The following CNIH3 variants were observed in gnomAD, a reference collection of about 807,000 sequenced individuals.
CNIH3 encodes the protein protein cornichon homolog 3.
Under a neutral mutation model 24.1 loss-of-function variants are expected in CNIH3, and 14 were observed. The observed-to-expected ratio is 0.58, with a 90% confidence interval of 0.38 to 0.91. CNIH3 has a LOEUF of 0.91. CNIH3 is among the 40% of genes least tolerant of loss of function. The pLI is 0.00. For missense variants in CNIH3, 178 were observed against 196.8 expected, an observed-to-expected ratio of 0.90 and a Z score of 0.57; for synonymous variants, 68 against 73.8, an observed-to-expected ratio of 0.92 and a Z score of 0.40.
intron 1 of CNIH3, among the ~76,000 whole-genome samples, chr1:224,630,936 G>A (rs1403684326): frequency 1.3e-5 from 2 of 152,072 alleles, no homozygotes; most frequent in Admixed American, 6.5e-5. Flanking sequence ...TGGGGCAGGC[G>A]GATCATGAGG....
chr1:224,574,865 G>A (rs1473693156), intron 4 of CNIH3: 26 of 983,014 alleles, frequency 2.6e-5, no homozygotes, highest in Non-Finnish European at 4.0e-5. Flanking sequence ...TGGACACATG[G>A]GCGGGCATGG....
chr1:224,486,604 G>T (rs1677041056), intron 1 of CNIH3, among the ~76,000 whole-genome samples: 3 of 152,052 alleles, frequency 2.0e-5, no homozygotes, highest in Admixed American at 1.3e-4. Context: ...TACCTAGAAT[G>T]CTCTTTCTAT....
intron 1 of CNIH3, among the ~76,000 whole-genome samples, chr1:224,479,594 G>C (rs952837463): frequency 1.3e-5 from 2 of 152,370 alleles, no homozygotes; most frequent in South Asian, 2.1e-4. Flanking sequence ...TGGGGTTACA[G>C]GCATTGGATA....
intron 4 of CNIH3, among the ~76,000 whole-genome samples, chr1:224,733,049 C>G (rs139190937): frequency 6.6e-6 from 1 of 152,100 alleles, no homozygotes; most frequent in Non-Finnish European, 1.5e-5. Context: ...AGGTCCAGAC[C>G]AGTGACATTT....
intron 2 of CNIH3, among the ~76,000 whole-genome samples, chr1:224,524,441 A>G (rs1678765733): frequency 2.0e-5 from 3 of 152,258 alleles, no homozygotes; most frequent in Middle Eastern, 3.4e-3. Context: ...GTTGGTTTAC[A>G]TTTATCCTTT....
chr1:224,688,388 C>A (rs1368035325), intron 3 of CNIH3, among the ~76,000 whole-genome samples: 1 of 152,146 alleles, frequency 6.6e-6, no homozygotes, highest in East Asian at 1.9e-4. Flanking sequence ...TGTCTCCTCT[C>A]ACTAGAATGC....
At chr1:224,575,279 A>G in intron 4 of CNIH3, 1 of 1,139,982 alleles carries the variant, frequency 8.8e-7, no homozygotes, top group Admixed American at 1.7e-5. Context: ...TCAACTTTGA[A>G]CTGAACAGCC....
chr1:224,506,766 C>G (rs1677936692), intron 1 of CNIH3, among the ~76,000 whole-genome samples: 2 of 152,118 alleles, frequency 1.3e-5, no homozygotes, highest in Admixed American at 1.3e-4. Context: ...TAGACCATGC[C>G]CAGAACTGGA....
At chr1:224,705,585 A>G (rs933200779) in intron 3 of CNIH3, among the ~76,000 whole-genome samples, 1 of 152,190 alleles carries the variant, frequency 6.6e-6, no homozygotes, top group Non-Finnish European at 1.5e-5. Context: ...TGGATGTTCA[A>G]GGTATTGAAC....
intron 1 of CNIH3, among the ~76,000 whole-genome samples, chr1:224,673,149 C>G (rs1376524122): frequency 1.3e-5 from 2 of 152,210 alleles, no homozygotes; most frequent in Non-Finnish European, 2.9e-5. Context: ...ACTGGTTTCA[C>G]ACTGATCAAC....
chr1:224,468,639 G>A (rs1296786919), intron 1 of CNIH3, among the ~76,000 whole-genome samples: 1 of 152,022 alleles, frequency 6.6e-6, no homozygotes, highest in Non-Finnish European at 1.5e-5. Flanking sequence ...TGCATTTATT[G>A]TTTTTCTTTC....
intron 3 of CNIH3, among the ~76,000 whole-genome samples, chr1:224,560,964 C>A (rs1680349031): frequency 6.6e-6 from 1 of 152,042 alleles, no homozygotes; most frequent in East Asian, 1.9e-4. Context: ...TTTCAATTTG[C>A]ATTTCCCTCG....
chr1:224,500,492 C>T (rs959166636), intron 1 of CNIH3, among the ~76,000 whole-genome samples: 3 of 152,008 alleles, frequency 2.0e-5, no homozygotes, highest in Admixed American at 6.5e-5. Flanking sequence ...GCCAACATGA[C>T]GAAACTCTAT....
chr1:224,658,629 C>T (rs1383062351), intron 1 of CNIH3, among the ~76,000 whole-genome samples: 3 of 151,226 alleles, frequency 2.0e-5, no homozygotes, highest in African/African-American at 4.9e-5. Flanking sequence ...CACCAAATCC[C>T]GACCTTTACT....
At chr1:224,647,131 C>T (rs890324643) in intron 1 of CNIH3, among the ~76,000 whole-genome samples, 10 of 152,194 alleles carry the variant, frequency 6.6e-5, no homozygotes, top group East Asian at 1.9e-4. Context: ...TACAGGCACC[C>T]GCCGCCACAC....
chr1:224,609,073 C>T (rs560400506), intron 3 of CNIH3, among the ~76,000 whole-genome samples: 6 of 152,262 alleles, frequency 3.9e-5, no homozygotes, highest in Admixed American at 2.0e-4. Flanking sequence ...TTAACAATCA[C>T]CTGACCATGA....
At chr1:224,545,030 C>T (rs115574325) in intron 2 of CNIH3, among the ~76,000 whole-genome samples, 98 of 152,296 alleles carry the variant, frequency 6.4e-4, no homozygotes, top group African/African-American at 2.3e-3. Flanking sequence ...TCAGATAAGC[C>T]TTCCTTGCCC....
chr1:224,493,593 T>C (rs1677320503), intron 1 of CNIH3, among the ~76,000 whole-genome samples: 2 of 152,314 alleles, frequency 1.3e-5, no homozygotes, highest in Middle Eastern at 3.4e-3. Context: ...AGTTGAGACG[T>C]CCCAATGAGT....
intron 1 of CNIH3, among the ~76,000 whole-genome samples, chr1:224,448,933 C>T (rs1480331425): frequency 6.6e-6 from 1 of 151,854 alleles, no homozygotes; most frequent in African/African-American, 2.4e-5. Context: ...ACAATTTCTC[C>T]CACTGACACG....
Sources: allele counts gnomAD v4.1 joint callset (sites outside exome capture counted in the v4.1 genomes callset), GRCh38; gene constraint gnomAD v4.1.1; transcripts MANE v1.5; gene names NCBI Gene and HGNC (gene_info 2026-07-23, HGNC 2026-07-21).